The following ZBTB10 variants were observed in gnomAD, a reference collection of about 807,000 sequenced individuals.
ZBTB10 encodes the protein zinc finger and BTB domain containing 10, also known as zinc finger and BTB domain-containing protein 10.
In ZBTB10, 32 loss-of-function variants were observed where a neutral mutation model predicts 76.4. The ratio of observed to expected loss-of-function variants is 0.42; its 90% CI spans 0.32 to 0.56. ZBTB10 has a LOEUF of 0.56. Among genes scored for constraint, ZBTB10 ranks in the 20% least tolerant of loss-of-function variants. The probability of loss-of-function intolerance (pLI) is 0.14; values close to 1 mark genes in which losing one functional copy is unlikely to be tolerated. For missense variants in ZBTB10, 1,057 were observed against 1,098.5 expected (o/e 0.96, Z 0.53); for synonymous variants, 523 against 432.9 (o/e 1.21, Z -2.58).
chr8:80,508,950 G>A (rs558957256), intron 2 of ZBTB10, among the ~76,000 whole-genome samples: 6 of 152,172 alleles, frequency 3.9e-5, no homozygotes, highest in African/African-American at 1.4e-4. Flanking sequence ...ATTGGAGGTG[G>A]GGCATGTACT....
At chr8:80,507,204 A>C (rs1816081601) in intron 2 of ZBTB10, among the ~76,000 whole-genome samples, 1 of 152,068 alleles carries the variant, frequency 6.6e-6, no homozygotes, top group African/African-American at 2.4e-5. Flanking sequence ...GCTACTCGGG[A>C]GGCTGAGGCA....
At chr8:80,505,074 G>A (rs1229379025) in intron 2 of ZBTB10, among the ~76,000 whole-genome samples, 1 of 152,052 alleles carries the variant, frequency 6.6e-6, no homozygotes, top group Non-Finnish European at 1.5e-5. Flanking sequence ...CTGTATGTAC[G>A]TTGCATGCAT....
chr8:80,509,553 G>A (rs1408741341), intron 2 of ZBTB10, among the ~76,000 whole-genome samples: 2 of 152,090 alleles, frequency 1.3e-5, no homozygotes, highest in South Asian at 2.1e-4. Context: ...ATTTGGAAGG[G>A]TTGCTAGCCC....
At chr8:80,513,850 T>C in intron 2 of ZBTB10, 60 bp from the exon 3 acceptor site, 1 of 1,279,642 alleles carries the variant, frequency 7.8e-7, no homozygotes, top group Non-Finnish European at 1.1e-6. Flanking sequence ...GAAAGAGTGG[T>C]GTTTTGGGTG....
At chr8:80,492,667 C>T (rs775023804) in intron 1 of ZBTB10, among the ~76,000 whole-genome samples, 1 of 151,640 alleles carries the variant, frequency 6.6e-6, no homozygotes, top group Admixed American at 6.6e-5. Context: ...CTAGTAGAGA[C>T]GGGGTTTCAG....
At chr8:80,501,510 A>G (rs1815923703) in intron 2 of ZBTB10, among the ~76,000 whole-genome samples, 1 of 152,114 alleles carries the variant, frequency 6.6e-6, no homozygotes, top group South Asian at 2.1e-4. Context: ...GTAACTGTTC[A>G]GTGTCTGATT....
rs1159110624 is a variant in ZBTB10, at chr8:80,518,454, T to G, written c.2012T>G (p.Phe671Cys). Residue 671 changes from phenylalanine to cysteine, a missense_variant, in exon 4 of 6, where the codon TTC becomes TGC. This residue lies in a region of ZBTB10 where 306 missense variants were observed against 297.5 expected (regional missense o/e 1.03). Transcript: ENST00000455036. ...TTGATGCCTGGTCCTTCAAATGATT[T>G]CAAGTATGGATTGATACCAGGTACT... Reference protein sequence around the residue: ...YGLMPGPSNDFKYGLIPGTSN... With the variant: ...YGLMPGPSNDCKYGLIPGTSN... 1.9e-6 allele frequency: 3 copies of G among 1,553,332 alleles called. No individual in the cohort carries two copies. The Admixed American group carries it at 5.9e-5, about 30-fold the overall frequency.
At position 80,499,639 on chromosome 8, in the gene ZBTB10, A is replaced by G. The variant is rs1563459982; in HGVS notation, c.1118A>G (p.Lys373Arg). 1.9e-6 allele frequency: 3 copies of G among 1,614,018 alleles called. No homozygotes were observed. Among genetic ancestry groups the G allele is most frequent in the South Asian group, 1.1e-5 (1 of 91,082 alleles). The change falls in exon 2 of 6, where the codon AAA becomes AGA. Residue 373 changes from lysine to arginine, a missense_variant. Physicochemically the swap from Lys to Arg is conservative, Grantham distance 26 (BLOSUM62 2). Coordinates refer to ENST00000455036, the MANE Select transcript of ZBTB10 (RefSeq NM_001105539.3). ...LCDVSIVVSG[K>R]IFKAHKNILV... The stretch of plus-strand genomic sequence containing the variant: ...GATGTCAGCATTGTGGTAAGCGGAA[A>G]AATCTTCAAAGCTCATAAGAACATC...
At chr8:80,488,718 C>G (rs558805238) in intron 1 of ZBTB10, among the ~76,000 whole-genome samples, 92 of 152,312 alleles carry the variant, frequency 6.0e-4, no homozygotes, top group African/African-American at 2.1e-3. Flanking sequence ...AATCTGTGTT[C>G]AAGCCAAACA....
At position 80,486,553 on chromosome 8, in the gene ZBTB10, C is replaced by T; in HGVS notation, c.-258C>T. 1.0e-6 allele frequency: 1 copy of T among 986,304 alleles called. No individual in the cohort carries two copies. The allele number at this position is 986,304 out of a possible 1,614,324, so 61.1% of individuals were successfully genotyped here. A position where few individuals can be genotyped will look rare whatever the true frequency, so the allele number is the denominator to read the frequency against. The stretch of plus-strand genomic sequence containing the variant: ...TCTCCGCGCGGGACGCTGCCCGGAG[C>T]GCGGCGGGGCGGGGGTGGAGGACGA... On this transcript the variant is annotated 5_prime_UTR_variant, in exon 1 of 6. Coordinates refer to ENST00000455036, the MANE Select transcript of ZBTB10 (RefSeq NM_001105539.3).
chr8:80,521,516 A>G lies in ZBTB10; in HGVS notation c.*1988A>G, dbSNP rs141553867. On this transcript the variant is annotated 3_prime_UTR_variant, in exon 6 of 6. Transcript: ENST00000455036. Reference sequence around the variant, plus strand: ...GTTTACAATTGGTAGATCTGTCTATATATAAATATATATTAAAGAACAAAG... The same window carrying G: ...GTTTACAATTGGTAGATCTGTCTATGTATAAATATATATTAAAGAACAAAG... 1.9e-3 allele frequency: 282 copies of G among 151,868 alleles called. 1 individual carries two copies. The highest frequency in any genetic ancestry group is 6.8e-3 in the Middle Eastern group (2 of 292). The allele number at this position is 151,868 out of a possible 1,614,324, so 9.4% of individuals were successfully genotyped here.
At position 80,524,204 on chromosome 8, in the gene ZBTB10, GT is replaced by G. The variant is rs967024884; in HGVS notation, c.*4679del. 1 of 151,958 alleles carries G rather than the reference GT, an allele frequency of 6.6e-6. No homozygotes were observed. Among genetic ancestry groups the G allele is most frequent in the African/African-American group, 2.4e-5 (1 of 41,412 alleles). 9.4% of individuals were successfully genotyped at this position (151,958 alleles called of 1,614,324 possible). ...ATATCTTTGTACTTAAGGCTTACAA[GT>G]TTGAATTATGGAATACTATAAGGGT... On this transcript the variant is annotated 3_prime_UTR_variant, in exon 6 of 6. Coordinates refer to ENST00000455036, the MANE Select transcript of ZBTB10 (RefSeq NM_001105539.3).
intron 3 of ZBTB10, among the ~76,000 whole-genome samples, chr8:80,515,800 G>T (rs1369378215): frequency 6.6e-6 from 1 of 152,128 alleles, no homozygotes; most frequent in Non-Finnish European, 1.5e-5. Context: ...GTGGAATAAT[G>T]TACCCAGAAG....
intron 1 of ZBTB10, among the ~76,000 whole-genome samples, chr8:80,494,671 A>T (rs1298658785): frequency 6.6e-6 from 1 of 151,840 alleles, no homozygotes; most frequent in East Asian, 1.9e-4. Flanking sequence ...TAAACTTAGC[A>T]CTCTGGGAGG....
chr8:80,493,784 C>T (rs995552976), intron 1 of ZBTB10, among the ~76,000 whole-genome samples: 2 of 152,202 alleles, frequency 1.3e-5, no homozygotes, highest in Admixed American at 6.5e-5. Flanking sequence ...GAGCCGAGAT[C>T]GCGCCCTTGT....
chr8:80,519,861 T>C lies in ZBTB10; in HGVS notation c.*333T>C, dbSNP rs1816414840. ...AAGAGCTTACATTCATGTGCTACTT[T>C]AACATGAATGGAGAAAATCCGTTTA... On this transcript the variant is annotated 3_prime_UTR_variant, in exon 6 of 6. Transcript: ENST00000455036. 1.1e-5 allele frequency: 2 copies of C among 184,406 alleles called. 1 individual carries two copies. Among genetic ancestry groups the C allele is most frequent in the South Asian group, 2.8e-4 (2 of 7,040 alleles). The allele number at this position is 184,406 out of a possible 1,614,324, so 11.4% of individuals were successfully genotyped here. A position where few individuals can be genotyped will look rare whatever the true frequency, so the allele number is the denominator to read the frequency against.
intron 1 of ZBTB10, among the ~76,000 whole-genome samples, chr8:80,499,130 G>A (rs1364064818): frequency 6.6e-6 from 1 of 152,138 alleles, no homozygotes; most frequent in Non-Finnish European, 1.5e-5. Context: ...TTTCTATAGA[G>A]ATAAAGCAAA....
At chr8:80,509,679 A>G (rs909149668) in intron 2 of ZBTB10, among the ~76,000 whole-genome samples, 4 of 152,172 alleles carry the variant, frequency 2.6e-5, no homozygotes, top group Non-Finnish European at 5.9e-5. Flanking sequence ...ATCATTGGTC[A>G]TGGGCACATT....
At chr8:80,485,877 CG>C (rs1563452878), upstream of ZBTB10, 11 of 1,535,666 alleles carry the variant, frequency 7.2e-6, no homozygotes, top group Non-Finnish European at 9.6e-6. Flanking sequence ...GTCCCGGGCG[CG>C]GGTAGGTGCG....
Sources: allele counts gnomAD v4.1 joint callset (sites outside exome capture counted in the v4.1 genomes callset), GRCh38; gene constraint gnomAD v4.1.1; regional missense constraint gnomAD v4.1.1; transcripts MANE v1.5; gene names NCBI Gene and HGNC (gene_info 2026-07-23, HGNC 2026-07-21).